Variants in GTF2H2C observed in about 807,000 individuals in gnomAD.
GTF2H2C encodes GTF2H2 family member C.
GTF2H2C carries 5 observed loss-of-function variants against 24.8 expected under a neutral mutation model. The observed-to-expected ratio is 0.20, with a 90% CI of 0.11 to 0.42. GTF2H2C has a LOEUF of 0.42. GTF2H2C is among the 20% of genes least tolerant of loss of function. The pLI is 1.00. For missense variants in GTF2H2C, 45 were observed against 169.8 expected, an observed-to-expected ratio of 0.27 and a Z score of 4.08; for synonymous variants, 14 against 52.6, an observed-to-expected ratio of 0.27 and a Z score of 3.18.
chr5:69,577,871 A>C lies in GTF2H2C; in HGVS notation c.471-841A>C. 2.2e-5 allele frequency: 2 copies of C among 92,008 alleles called. 1 individual carries two copies. The highest frequency in any genetic ancestry group is 1.7e-4 in the South Asian group (2 of 11,652). The allele number at this position is 92,008 out of a possible 1,614,324, so 5.7% of individuals were successfully genotyped here. Reference sequence around the variant, plus strand: ...CAGCCCTCTGAATCCTGGGAATTCGATCAACCACGCATCAAAAATTTTTGG... The same window carrying C: ...CAGCCCTCTGAATCCTGGGAATTCGCTCAACCACGCATCAAAAATTTTTGG... On this transcript the variant is annotated intron_variant, in intron 9 of 16. Transcript: ENST00000380729.
chr5:69,563,700 G>A (rs1770551154), intron 2 of GTF2H2C, among the ~76,000 whole-genome samples: 1 of 151,996 alleles, frequency 6.6e-6, no homozygotes, highest in Non-Finnish European at 1.5e-5. Context: ...ATCCTTCCCT[G>A]TCTAATAGTC....
At chr5:69,573,315 C>A (rs1443924063) in intron 9 of GTF2H2C, among the ~76,000 whole-genome samples, 1 of 105,250 alleles carries the variant, frequency 9.5e-6, no homozygotes, top group Non-Finnish European at 1.9e-5. Context: ...CTCCCTAGTG[C>A]TGGGATTACA....
chr5:69,564,153 T>A (rs202004974), intron 2 of GTF2H2C, among the ~76,000 whole-genome samples: 1 of 143,032 alleles, frequency 7.0e-6, no homozygotes, highest in East Asian at 2.0e-4. Context: ...TTTCATTGTG[T>A]TTTTTTTTCG....
At chr5:69,573,182 ACG>A (rs1771174787) in intron 9 of GTF2H2C, among the ~76,000 whole-genome samples, 1 of 142,344 alleles carries the variant, frequency 7.0e-6, no homozygotes, top group African/African-American at 2.6e-5. Context: ...ACACACACAC[ACG>A]TATATATATA....
At chr5:69,561,743 A>G (rs1011193729) in intron 1 of GTF2H2C, among the ~76,000 whole-genome samples, 8 of 151,794 alleles carry the variant, frequency 5.3e-5, no homozygotes, top group Non-Finnish European at 1.0e-4. Flanking sequence ...TCCTGGGCTC[A>G]AGCCATCCTC....
chr5:69,562,317 A>C (rs1342475041), intron 1 of GTF2H2C, among the ~76,000 whole-genome samples: 2 of 151,906 alleles, frequency 1.3e-5, no homozygotes, highest in African/African-American at 4.8e-5. Context: ...ACTCCGCCTT[A>C]AAACAAAAAA....
rs866308067 is a variant in GTF2H2C at position 69,564,941 on chromosome 5, A to G, written c.-33-159A>G. 8.8e-4 allele frequency among the ~76,000 whole-genome samples: 134 copies of G among 152,190 alleles called. 1 individual carries two copies. The highest frequency in any genetic ancestry group is 3.4e-3 in the Middle Eastern group (1 of 294). ...TCTTGGAAATGAGAAATGGAGTTCTATGAAGATTTTTAAGACAATTATTGA... is the reference window on the plus strand; with the variant it reads ...TCTTGGAAATGAGAAATGGAGTTCTGTGAAGATTTTTAAGACAATTATTGA... On this transcript the variant is annotated intron_variant, in intron 2 of 16. Transcript: ENST00000380729.
chr5:69,590,073 C>T (rs1260141386), intron 15 of GTF2H2C, among the ~76,000 whole-genome samples: 1 of 150,528 alleles, frequency 6.6e-6, no homozygotes, highest in African/African-American at 2.4e-5. Flanking sequence ...TTAGTAGAGA[C>T]GGGGTTTCGC....
At position 69,594,740 on chromosome 5, in the gene GTF2H2C, A is replaced by C. The variant is rs1772130534; in HGVS notation, c.*2542A>C. On this transcript the variant is annotated 3_prime_UTR_variant, in exon 17 of 17. Coordinates refer to ENST00000380729, the MANE Select transcript of GTF2H2C (RefSeq NM_001376000.2). ...TACTAGAACTCTCTATTAGAGACTTACCCTCCTGACCTGATAAAAAGGGAT... is the reference window on the plus strand; with the variant it reads ...TACTAGAACTCTCTATTAGAGACTTCCCCTCCTGACCTGATAAAAAGGGAT... 1 of 72,480 alleles carries C rather than the reference A, an allele frequency of 1.4e-5. No homozygotes were observed. The allele number at this position is 72,480 out of a possible 1,614,324, so 4.5% of individuals were successfully genotyped here.
intron 1 of GTF2H2C, among the ~76,000 whole-genome samples, chr5:69,561,736 T>G (rs889586149): frequency 2.6e-5 from 4 of 151,870 alleles, no homozygotes; most frequent in Non-Finnish European, 4.4e-5. Context: ...TCGACTCTCC[T>G]GGGCTCAAGC....
intron 1 of GTF2H2C, among the ~76,000 whole-genome samples, chr5:69,561,092 A>G (rs938821009): frequency 3.9e-5 from 6 of 152,056 alleles, no homozygotes; most frequent in African/African-American, 1.4e-4. Flanking sequence ...ACTGTTGGGA[A>G]GTGACAGGCC....
chr5:69,568,336 A>C, intron 8 of GTF2H2C, 129 bp downstream of exon 8: 1 of 460,282 alleles, frequency 2.2e-6, no homozygotes, highest in South Asian at 2.6e-5. Flanking sequence ...AGGTGAAACA[A>C]TTTAATAACA....
chr5:69,568,785 G>T (rs1770925488), intron 8 of GTF2H2C: 1 of 81,116 alleles, frequency 1.2e-5, no homozygotes, highest in African/African-American at 4.8e-5. Context: ...TTGAGCCACC[G>T]CATCCGGCCT....
chr5:69,562,056 C>T (rs1037256620), intron 1 of GTF2H2C, among the ~76,000 whole-genome samples: 3 of 152,008 alleles, frequency 2.0e-5, no homozygotes, highest in Admixed American at 6.6e-5. Context: ...TGGTGACTCA[C>T]GCCTGTAATC....
chr5:69,573,011 G>A, intron 9 of GTF2H2C, among the ~76,000 whole-genome samples: 1 of 115,670 alleles, frequency 8.6e-6, no homozygotes, highest in South Asian at 3.0e-4. Context: ...GGAAATACTT[G>A]GTATAGTTAA....
rs1179015937 is a variant in GTF2H2C, at chr5:69,579,909, A to G, written c.757+45A>G. The G allele has an allele frequency of 5.3e-6, 8 of 1,508,652 alleles. 1 individual carries two copies. In the South Asian group the frequency reaches 7.5e-5, roughly 14 times the overall value. The allele number at this position is 1,508,652 out of a possible 1,614,324, so 93.5% of individuals were successfully genotyped here. A position where few individuals can be genotyped will look rare whatever the true frequency, so the allele number is the denominator to read the frequency against. On this transcript the variant is annotated intron_variant, in intron 12 of 16. Coordinates refer to ENST00000380729, the MANE Select transcript of GTF2H2C (RefSeq NM_001376000.2). ...TAAAAAATACATATCTAGGCTCTCTATTTTCATTTGCACAAGTTATTTTAA... is the reference window on the plus strand; with the variant it reads ...TAAAAAATACATATCTAGGCTCTCTGTTTTCATTTGCACAAGTTATTTTAA...
intron 1 of GTF2H2C, among the ~76,000 whole-genome samples, chr5:69,561,972 A>G: frequency 6.6e-6 from 1 of 152,136 alleles, no homozygotes; most frequent in Non-Finnish European, 1.5e-5. Context: ...ACGTTATGCG[A>G]GTTTTTCATT....
rs1327505138 is a variant in GTF2H2C, at chr5:69,594,729, A to G, written c.*2531A>G. On this transcript the variant is annotated 3_prime_UTR_variant, in exon 17 of 17. Transcript: ENST00000380729. Reference sequence around the variant, plus strand: ...TTTTGAGAAGTTACTAGAACTCTCTATTAGAGACTTACCCTCCTGACCTGA... The same window carrying G: ...TTTTGAGAAGTTACTAGAACTCTCTGTTAGAGACTTACCCTCCTGACCTGA... The G allele has an allele frequency of 1.2e-5, 1 of 82,838 alleles. No homozygotes were observed. Among genetic ancestry groups the G allele is most frequent in the Non-Finnish European group, 2.7e-5 (1 of 37,206 alleles). The allele number at this position is 82,838 out of a possible 1,614,324, so 5.1% of individuals were successfully genotyped here.
Position 69,593,938 on chromosome 5 carries a change from G to GAAA in GTF2H2C, c.*1764_*1766dup, listed in dbSNP as rs1174187959. 0.02 allele frequency among the ~76,000 whole-genome samples: 852 copies of GAAA among 41,768 alleles called. 155 individuals carry two copies. The highest frequency in any genetic ancestry group is 0.084 in the African/African-American group (800 of 9,486). The allele number at this position is 41,768 out of a possible 152,430, so 27.4% of individuals were successfully genotyped here. A position where few individuals can be genotyped will look rare whatever the true frequency, so the allele number is the denominator to read the frequency against. ...GCGACAGAGCTAGACTCTGTCTCAAGAAAAAAAAAAAAAAAAAAAAAAAAA... is the reference window on the plus strand; with the variant it reads ...GCGACAGAGCTAGACTCTGTCTCAAGAAAAAAAAAAAAAAAAAAAAAAAAAAAA... On this transcript the variant is annotated 3_prime_UTR_variant, in exon 17 of 17. Coordinates refer to ENST00000380729, the MANE Select transcript of GTF2H2C (RefSeq NM_001376000.2).
Sources: allele counts gnomAD v4.1 joint callset (sites outside exome capture counted in the v4.1 genomes callset), GRCh38; gene constraint gnomAD v4.1.1; transcripts MANE v1.5; gene names NCBI Gene and HGNC (gene_info 2026-07-23, HGNC 2026-07-21).